XKR6: variants seen among roughly 807,000 people sequenced by gnomAD.
XKR6 encodes the protein XK related 6, also known as XK-related protein 6.
XKR6 carries 22 observed loss-of-function variants against 56.7 expected under a neutral mutation model. That is an observed-to-expected ratio of 0.39 (90% CI 0.28 to 0.55). The LOEUF is 0.55. XKR6 is among the 20% of genes least tolerant of loss of function. XKR6 has a pLI of 0.66. For missense variants in XKR6, 852 were observed against 889.0 expected (o/e 0.96, Z 0.53); for synonymous variants, 524 against 387.8 (o/e 1.35, Z -4.13).
At chr8:11,071,115 A>G (rs1006419015) in intron 1 of XKR6, among the ~76,000 whole-genome samples, 2 of 152,200 alleles carry the variant, frequency 1.3e-5, no homozygotes, top group African/African-American at 4.8e-5. Flanking sequence ...GGATACTCAT[A>G]TCACATTCTC....
chr8:11,033,975 C>T (rs1331705555), intron 1 of XKR6, among the ~76,000 whole-genome samples: 1 of 152,196 alleles, frequency 6.6e-6, no homozygotes, highest in African/African-American at 2.4e-5. Context: ...AGGACTATAA[C>T]CACATCCTCA....
chr8:11,019,608 C>T (rs1156609948), intron 1 of XKR6, among the ~76,000 whole-genome samples: 2 of 152,186 alleles, frequency 1.3e-5, no homozygotes. Flanking sequence ...GGTCTGGGCC[C>T]CAGTTTCCAC....
intron 1 of XKR6, among the ~76,000 whole-genome samples, chr8:11,092,176 C>T (rs943676452): frequency 2.6e-5 from 4 of 152,198 alleles, no homozygotes; most frequent in Non-Finnish European, 4.4e-5. Context: ...TTAAAACTTT[C>T]AGGTTTGCGA....
chr8:11,067,812 C>T (rs1800019702), intron 1 of XKR6, among the ~76,000 whole-genome samples: 1 of 152,226 alleles, frequency 6.6e-6, no homozygotes, highest in Non-Finnish European at 1.5e-5. Flanking sequence ...GGTGGATGTG[C>T]CTCCCACTTT....
At chr8:11,072,911 G>C (rs184652665) in intron 1 of XKR6, among the ~76,000 whole-genome samples, 8 of 152,294 alleles carry the variant, frequency 5.3e-5, no homozygotes, top group Middle Eastern at 3.4e-3. Context: ...TTAGCCGGGC[G>C]TGGTGGCGGG....
At chr8:11,160,913 A>AAAAAAAAAAAAAAAAAAAG (rs1801770902) in intron 1 of XKR6, among the ~76,000 whole-genome samples, 1 of 147,938 alleles carries the variant, frequency 6.8e-6, no homozygotes, top group African/African-American at 2.5e-5. Flanking sequence ...CTCCGTCTCA[A>AAAAAAAAAAAAAAAAAAAG]AAAAAAAAAA....
chr8:11,104,262 AGATCACT>A (rs1311733543), intron 1 of XKR6, among the ~76,000 whole-genome samples: 1 of 152,248 alleles, frequency 6.6e-6, no homozygotes, highest in African/African-American at 2.4e-5. Flanking sequence ...ATCTGACTGG[AGATCACT>A]GACTTCCTCT....
At chr8:11,039,975 C>CG (rs1412265995) in intron 1 of XKR6, among the ~76,000 whole-genome samples, 1 of 152,188 alleles carries the variant, frequency 6.6e-6, no homozygotes, top group Non-Finnish European at 1.5e-5. Context: ...TTATGCCACC[C>CG]GGCTGGGGTT....
intron 2 of XKR6, among the ~76,000 whole-genome samples, chr8:10,916,981 T>C (rs1175870358): frequency 1.3e-5 from 2 of 152,106 alleles, no homozygotes; most frequent in East Asian, 3.9e-4. Context: ...TCCCTAATTG[T>C]ATCTCAGAGC....
intron 2 of XKR6, among the ~76,000 whole-genome samples, chr8:10,914,875 C>T (rs1450802758): frequency 6.6e-6 from 1 of 152,228 alleles, no homozygotes; most frequent in Non-Finnish European, 1.5e-5. Context: ...TGCCCTCAGA[C>T]ACTGGGAGCC....
chr8:10,974,540 C>T (rs1286895342), intron 1 of XKR6, among the ~76,000 whole-genome samples: 1 of 152,236 alleles, frequency 6.6e-6, no homozygotes, highest in African/African-American at 2.4e-5. Context: ...CATACTGAGC[C>T]ATATCTTTTT....
chr8:11,148,276 T>A (rs968506674), intron 1 of XKR6, among the ~76,000 whole-genome samples: 3 of 152,122 alleles, frequency 2.0e-5, no homozygotes, highest in African/African-American at 7.2e-5. Flanking sequence ...CCTAATCTGA[T>A]CTGACTAGTG....
chr8:10,952,468 G>C (rs990914952), intron 1 of XKR6, among the ~76,000 whole-genome samples: 1 of 151,958 alleles, frequency 6.6e-6, no homozygotes, highest in African/African-American at 2.4e-5. Flanking sequence ...CTTTTCTTTT[G>C]TTTGAGACAG....
chr8:11,098,990 G>A (rs530729042), intron 1 of XKR6, among the ~76,000 whole-genome samples: 39 of 152,148 alleles, frequency 2.6e-4, no homozygotes, highest in Non-Finnish European at 4.6e-4. Flanking sequence ...TTTTCTTTAT[G>A]GGTATAGTCT....
At chr8:11,128,333 G>C (rs1049012446) in intron 1 of XKR6, among the ~76,000 whole-genome samples, 4 of 152,146 alleles carry the variant, frequency 2.6e-5, no homozygotes, top group Non-Finnish European at 5.9e-5. Flanking sequence ...ACTCCTGTGG[G>C]AAAGTCATTC....
chr8:11,168,680 C>A (rs1248198545), intron 1 of XKR6, among the ~76,000 whole-genome samples: 3 of 152,280 alleles, frequency 2.0e-5, no homozygotes, highest in African/African-American at 7.2e-5. Flanking sequence ...AGACTGAAGT[C>A]ATACAAAGTA....
At chr8:10,990,907 T>TTTTC (rs1554520285) in intron 1 of XKR6, among the ~76,000 whole-genome samples, 8 of 139,684 alleles carry the variant, frequency 5.7e-5, no homozygotes, top group African/African-American at 1.7e-4. Flanking sequence ...TTTTTTTTTT[T>TTTTC]TTTTTTTTTT....
chr8:11,089,383 T>C (rs1343498044), intron 1 of XKR6, among the ~76,000 whole-genome samples: 1 of 152,216 alleles, frequency 6.6e-6, no homozygotes, highest in Non-Finnish European at 1.5e-5. Flanking sequence ...GTAATCCTAG[T>C]GTTTTAGTAG....
chr8:10,924,897 C>T, intron 1 of XKR6, 67 bp from the exon 2 acceptor site: 2 of 1,511,454 alleles, frequency 1.3e-6, no homozygotes, highest in South Asian at 2.5e-5. Flanking sequence ...GGACCCTTGC[C>T]ATCCCCCTAA....
Sources: allele counts gnomAD v4.1 joint callset (sites outside exome capture counted in the v4.1 genomes callset), GRCh38; gene constraint gnomAD v4.1.1; transcripts MANE v1.5; gene names NCBI Gene and HGNC (gene_info 2026-07-23, HGNC 2026-07-21).